Variants in DENND5B observed in about 807,000 individuals in gnomAD.
The protein encoded by DENND5B is DENN domain containing 5B, also known as DENN domain-containing protein 5B.
Under a neutral mutation model 140.6 loss-of-function variants are expected in DENND5B, and 34 were observed. The observed-to-expected ratio is 0.24, with a 90% confidence interval of 0.18 to 0.32. The LOEUF (loss-of-function observed/expected upper bound fraction) is 0.32. Among genes scored for constraint, DENND5B ranks in the 10% least tolerant of loss-of-function variants. The pLI is 1.00. For missense variants in DENND5B, 1,142 were observed against 1,560.2 expected (o/e 0.73, Z 4.52); for synonymous variants, 551 against 562.1 (o/e 0.98, Z 0.28).
chr12:31,503,779 T>C (rs1040204924), intron 1 of DENND5B, among the ~76,000 whole-genome samples: 3 of 152,220 alleles, frequency 2.0e-5, no homozygotes, highest in Non-Finnish European at 4.4e-5. Context: ...GAGAGGTTTA[T>C]CATGTTTGAT....
chr12:31,543,232 A>G (rs1481750745), intron 1 of DENND5B, among the ~76,000 whole-genome samples: 1 of 152,132 alleles, frequency 6.6e-6, no homozygotes, highest in Non-Finnish European at 1.5e-5. Context: ...ATTTCATACC[A>G]AATGGTTCAT....
chr12:31,405,435 C>A (rs1377085699), intron 14 of DENND5B, among the ~76,000 whole-genome samples: 1 of 151,438 alleles, frequency 6.6e-6, no homozygotes, highest in Non-Finnish European at 1.5e-5. Flanking sequence ...CCAGGCTGGT[C>A]TCAAACTCCT....
At chr12:31,388,973 A>G in intron 20 of DENND5B, among the ~76,000 whole-genome samples, 1 of 152,150 alleles carries the variant, frequency 6.6e-6, no homozygotes, top group Non-Finnish European at 1.5e-5. Context: ...CAGGGTGTGA[A>G]CCTGGCTCTG....
Position 31,440,192 on chromosome 12 carries a change from T to A in DENND5B, c.2012+2583A>T, listed in dbSNP as rs138301193. Among the ~76,000 whole-genome samples the A allele has an allele frequency of 1.2e-3, 176 of 152,228 alleles. 2 individuals are homozygous for A. The East Asian group carries it at 0.021, about 18-fold the overall frequency. ...TATTAGCACATTTTTTTTCTTTTTTTAAAATAAAGATGAGGTCTCATTATG... is the reference window on the plus strand; with the variant it reads ...TATTAGCACATTTTTTTTCTTTTTTAAAAATAAAGATGAGGTCTCATTATG... On this transcript the variant is annotated intron_variant, in intron 7 of 20. Transcript: ENST00000389082.
chr12:31,428,114 A>G (rs1943329501), intron 8 of DENND5B, among the ~76,000 whole-genome samples: 1 of 151,902 alleles, frequency 6.6e-6, no homozygotes, highest in Non-Finnish European at 1.5e-5. Context: ...TATTTCTTTG[A>G]CCCTCTTAAA....
At chr12:31,435,741 A>G (rs1266297729) in intron 7 of DENND5B, among the ~76,000 whole-genome samples, 2 of 149,888 alleles carry the variant, frequency 1.3e-5, no homozygotes, top group African/African-American at 4.9e-5. Flanking sequence ...GCTCACTGCA[A>G]CCTCCACCTC....
At chr12:31,403,078 G>A (rs546957375) in intron 14 of DENND5B, among the ~76,000 whole-genome samples, 1 of 152,312 alleles carries the variant, frequency 6.6e-6, no homozygotes, top group East Asian at 1.9e-4. Flanking sequence ...AGGGGTGGAT[G>A]ACTTCTTGGA....
intron 20 of DENND5B, 114 bp from the exon 21 acceptor site, chr12:31,387,900 T>A: frequency 9.0e-7 from 1 of 1,105,940 alleles, no homozygotes; most frequent in Non-Finnish European, 1.3e-6. Flanking sequence ...ACAAAATGTA[T>A]CCAAGCTAAG....
chr12:31,429,868 G>C (rs1943428950), intron 8 of DENND5B, among the ~76,000 whole-genome samples: 1 of 151,474 alleles, frequency 6.6e-6, no homozygotes, highest in African/African-American at 2.4e-5. Flanking sequence ...TACAACACCT[G>C]GCTAATTTTT....
At chr12:31,480,553 G>C (rs1946029262) in intron 2 of DENND5B, among the ~76,000 whole-genome samples, 1 of 152,160 alleles carries the variant, frequency 6.6e-6, no homozygotes, top group African/African-American at 2.4e-5. Context: ...CTCTAACCAA[G>C]CTTGTGGCCT....
chr12:31,481,598 G>A (rs1405897832), intron 2 of DENND5B, among the ~76,000 whole-genome samples: 2 of 152,184 alleles, frequency 1.3e-5, no homozygotes, highest in Non-Finnish European at 2.9e-5. Flanking sequence ...AAGATTCCAG[G>A]CAGAGAGGAC....
intron 2 of DENND5B, among the ~76,000 whole-genome samples, chr12:31,485,355 G>C (rs1946260061): frequency 6.6e-6 from 1 of 152,198 alleles, no homozygotes; most frequent in South Asian, 2.1e-4. Flanking sequence ...ACAACCAGCA[G>C]GATGCAGAAA....
intron 1 of DENND5B, among the ~76,000 whole-genome samples, chr12:31,536,877 C>T (rs1948514386): frequency 6.6e-6 from 1 of 152,066 alleles, no homozygotes; most frequent in Non-Finnish European, 1.5e-5. Flanking sequence ...ATACATTTGG[C>T]AGCAGATTTT....
At chr12:31,499,449 T>C (rs190673933) in intron 1 of DENND5B, among the ~76,000 whole-genome samples, 21 of 152,364 alleles carry the variant, frequency 1.4e-4, no homozygotes, top group Admixed American at 2.0e-4. Context: ...ATGAAGTCTT[T>C]ATGAAAATTA....
chr12:31,490,564 T>C (rs745753287), intron 2 of DENND5B, among the ~76,000 whole-genome samples: 2 of 151,818 alleles, frequency 1.3e-5, no homozygotes, highest in Admixed American at 6.6e-5. Context: ...TGAGCCAAGA[T>C]TGCACCAGTG....
chr12:31,449,731 G>GTTTTTTTTTTTTTT lies in DENND5B; in HGVS notation c.1630-1976_1630-1963dup, dbSNP rs771712867. ...ATAAACCATGGATATACACAGATTA[G>GTTTTTTTTTTTTTT]TTTTTTTTTTTTTTTTTTGAGACAG... On this transcript the variant is annotated intron_variant, in intron 5 of 20. Coordinates refer to ENST00000389082, the MANE Select transcript of DENND5B (RefSeq NM_144973.4). Among the ~76,000 whole-genome samples, 175 of 89,910 alleles carry GTTTTTTTTTTTTTT rather than the reference G, an allele frequency of 1.9e-3. 13 individuals are homozygous for GTTTTTTTTTTTTTT. Among genetic ancestry groups the GTTTTTTTTTTTTTT allele is most frequent in the Middle Eastern group, 7.2e-3 (1 of 138 alleles). 59.0% of individuals were successfully genotyped at this position (89,910 alleles called of 152,430 possible).
intron 1 of DENND5B, among the ~76,000 whole-genome samples, chr12:31,580,869 G>A (rs1950188995): frequency 6.6e-6 from 1 of 151,698 alleles, no homozygotes; most frequent in Non-Finnish European, 1.5e-5. Flanking sequence ...ACTTTGAGAG[G>A]CCAAGATGGG....
chr12:31,563,150 T>C (rs1233053370), intron 1 of DENND5B, among the ~76,000 whole-genome samples: 1 of 152,148 alleles, frequency 6.6e-6, no homozygotes, highest in Non-Finnish European at 1.5e-5. Context: ...TTTTTTCACC[T>C]TGCAAAGCCA....
intron 1 of DENND5B, among the ~76,000 whole-genome samples, chr12:31,533,398 C>CT (rs1462963535): frequency 2.0e-5 from 3 of 152,064 alleles, no homozygotes; most frequent in Non-Finnish European, 2.9e-5. Flanking sequence ...AAAACTTATA[C>CT]TTTATTTTCT....
Sources: gnomAD v4.1 joint callset for allele counts (sites outside exome capture counted in the v4.1 genomes callset) on GRCh38, gnomAD v4.1.1 for gene constraint, MANE v1.5 for transcripts, NCBI Gene and HGNC (gene_info 2026-07-23, HGNC 2026-07-21) for gene names.